F9: variants seen among roughly 807,000 people sequenced by gnomAD.
The protein encoded by F9 is Christmas factor.
A neutral mutation model predicts 34.1 loss-of-function variants in F9; 2 were observed. That is an observed-to-expected ratio of 0.06 (90% CI 0.02 to 0.18). The LOEUF (loss-of-function observed/expected upper bound fraction) is 0.18. Among genes scored for constraint, F9 ranks in the 10% least tolerant of loss-of-function variants. The pLI is 1.00. For missense variants in F9, 216 were observed against 345.1 expected (o/e 0.63, Z 2.96); for synonymous variants, 137 against 118.8 (o/e 1.15, Z -1.00).
At chrX:139,552,010 C>T (rs1927857165) in intron 6 of F9, among the ~76,000 whole-genome samples, 2 of 109,421 alleles carry the variant, frequency 1.8e-5, no homozygotes, top group African/African-American at 6.9e-5. Context: ...GGCAACACGG[C>T]GAAACCCCAC....
chrX:139,532,140 T>A (rs1350402886), intron 1 of F9, among the ~76,000 whole-genome samples: 1 of 111,422 alleles, frequency 9.0e-6, no homozygotes, highest in Non-Finnish European at 1.9e-5. Context: ...GCCTGGGAAA[T>A]AATGACTAGC....
At chrX:139,536,011 A>G (rs1927451177) in intron 1 of F9, among the ~76,000 whole-genome samples, 1 of 109,711 alleles carries the variant, frequency 9.1e-6, no homozygotes, top group African/African-American at 3.3e-5. Context: ...GTATCTAAAC[A>G]TAGAAAAGGT....
At chrX:139,543,299 G>A (rs753946225) in intron 4 of F9, among the ~76,000 whole-genome samples, 52 of 111,408 alleles carry the variant, frequency 4.7e-4, no homozygotes, top group Non-Finnish European at 8.3e-4. Context: ...CCTTTGGTTA[G>A]AATAAAGACC....
intron 3 of F9, among the ~76,000 whole-genome samples, chrX:139,537,793 C>T (rs1927519312): frequency 9.0e-6 from 1 of 111,432 alleles, no homozygotes; most frequent in Admixed American, 9.5e-5. Flanking sequence ...CCCCACCCTC[C>T]CCATTACCCT....
At chrX:139,539,419 C>T (rs946311528) in intron 3 of F9, among the ~76,000 whole-genome samples, 25 of 112,200 alleles carry the variant, frequency 2.2e-4, no homozygotes, top group Admixed American at 7.6e-4. Flanking sequence ...TAAACAGGAA[C>T]CTGGTAGTCT....
intron 1 of F9, among the ~76,000 whole-genome samples, chrX:139,536,325 G>C (rs1927475936): frequency 1.1e-5 from 1 of 94,662 alleles, no homozygotes; most frequent in Admixed American, 1.1e-4. Flanking sequence ...AGGAAGGAGG[G>C]AGGGAAGGAG....
intron 6 of F9, among the ~76,000 whole-genome samples, chrX:139,552,833 A>G (rs1927876255): frequency 8.9e-6 from 1 of 112,195 alleles, no homozygotes; most frequent in Non-Finnish European, 1.9e-5. Flanking sequence ...GCCATTAGAG[A>G]CTGATAAATT....
chrX:139,542,298 G>A (rs1193687161), intron 4 of F9, among the ~76,000 whole-genome samples: 1 of 112,059 alleles, frequency 8.9e-6, no homozygotes, highest in African/African-American at 3.2e-5. Flanking sequence ...AAAGGTGACA[G>A]GGCAAAGACA....
At position 139,537,037 on chromosome X, in the gene F9, A is replaced by G. The variant is rs200505648; in HGVS notation, c.116A>G (p.Lys39Arg). 16 of 1,207,839 alleles carry G rather than the reference A, an allele frequency of 1.3e-5. No homozygotes were observed. In the East Asian group the frequency reaches 4.7e-4, roughly 36 times the overall value. ...TVFLDHENAN[K>R]ILNRPKRYNS... ...TTTCTTGATCATGAAAACGCCAACA[A>G]AATTCTGAATCGGCCAAAGAGGTAT... The change falls in exon 2 of 8, where the codon AAA becomes AGA. Residue 39 changes from lysine (K) to arginine (R), a missense_variant. Lys to Arg is a conservative substitution (Grantham distance 26, BLOSUM62 2). This residue lies in a region of F9 where 39 missense variants were observed against 33.3 expected (regional missense o/e 1.17). Transcript: ENST00000218099.
Position 139,543,117 on chromosome X carries a change from C to T in F9, c.391+1928C>T, listed in dbSNP as rs745574822. Among the ~76,000 whole-genome samples, 9 of 109,189 alleles carry T rather than the reference C, an allele frequency of 8.2e-5. No individual in the cohort carries two copies. The East Asian group carries it at 8.6e-4, about 10-fold the overall frequency. 94.8% of individuals were successfully genotyped at this position (109,189 alleles called of 115,157 possible). ...AGATAGCACAGTTTATGGGGCATCT[C>T]GGCCCCAAGTCTTTTGTCTTATAAG... On this transcript the variant is annotated intron_variant, in intron 4 of 7. Transcript: ENST00000218099.
intron 3 of F9, among the ~76,000 whole-genome samples, chrX:139,539,303 G>T (rs1411577982): frequency 8.9e-6 from 1 of 112,359 alleles, no homozygotes; most frequent in African/African-American, 3.2e-5. Flanking sequence ...AGGTCTCCCA[G>T]TTGGGGAGTC....
At chrX:139,544,906 G>A (rs914760036) in intron 4 of F9, 3 of 111,810 alleles carry the variant, frequency 2.7e-5, no homozygotes, top group African/African-American at 9.7e-5. Flanking sequence ...TTCGACTTAT[G>A]GGGAATTAAC....
At chrX:139,559,693 C>G in intron 6 of F9, among the ~76,000 whole-genome samples, 1 of 111,937 alleles carries the variant, frequency 8.9e-6, no homozygotes, top group Non-Finnish European at 1.9e-5. Flanking sequence ...GCCCCAAGGA[C>G]CATCTGATAT....
intron 4 of F9, among the ~76,000 whole-genome samples, chrX:139,545,787 A>G (rs1197201502): frequency 2.7e-5 from 3 of 111,041 alleles, no homozygotes; most frequent in Non-Finnish European, 5.7e-5. Context: ...CTTAGCACTA[A>G]TGACATATTG....
Position 139,530,781 on chromosome X carries a change from T to G in F9, c.17T>G (p.Met6Arg). MQRVN[M>R]IMAESPGLIT... ...GCAAAGGTTATGCAGCGCGTGAACA[T>G]GATCATGGCAGAATCACCAGGCCTC... Residue 6 changes from methionine (M) to arginine (R), a missense_variant, in exon 1 of 8, where the codon ATG becomes AGG. By Grantham distance (91) the Met-to-Arg change is moderately conservative. Coordinates refer to ENST00000218099, the MANE Select transcript of F9 (RefSeq NM_000133.4). 11 of 1,211,162 alleles carry G rather than the reference T, an allele frequency of 9.1e-6. No individual in the cohort carries two copies. The highest frequency in any genetic ancestry group is 1.2e-5 in the Non-Finnish European group (11 of 894,741).
At position 139,541,113 on chromosome X, in the gene F9, C is replaced by T. The variant is rs757434127; in HGVS notation, c.315C>T (p.Gly105=). 1.3e-5 allele frequency: 16 copies of T among 1,198,065 alleles called. No individual in the cohort carries two copies. The highest frequency in any genetic ancestry group is 1.2e-4 in the African/African-American group (7 of 56,726). ...DQCESNPCLN[G]GSCKDDINSY... ...GTGAGTCCAATCCATGTTTAAATGG[C>T]GGCAGTTGCAAGGATGACATTAATT... is the stretch of plus-strand genomic sequence containing the variant. Residue 105 remains glycine (G), a synonymous_variant, in exon 4 of 8, where the codon GGC becomes GGT. Coordinates refer to ENST00000218099, the MANE Select transcript of F9 (RefSeq NM_000133.4).
intron 6 of F9, among the ~76,000 whole-genome samples, chrX:139,551,738 C>T (rs4149712): frequency 0.014 from 1,535 of 111,426 alleles, 25 homozygotes; most frequent in African/African-American, 0.046. Context: ...TCTTGATCTA[C>T]CACTATAGTT....
At chrX:139,543,241 G>A (rs912436350) in intron 4 of F9, among the ~76,000 whole-genome samples, 7 of 110,572 alleles carry the variant, frequency 6.3e-5, no homozygotes, top group African/African-American at 2.0e-4. Flanking sequence ...AGGTGTAAAC[G>A]TTCAGGGCAT....
chrX:139,534,537 T>C (rs771139687), intron 1 of F9, among the ~76,000 whole-genome samples: 6 of 112,257 alleles, frequency 5.3e-5, no homozygotes, highest in Non-Finnish European at 9.4e-5. Flanking sequence ...GATGGTTGCA[T>C]CTCTACTGAA....
Sources: gnomAD v4.1 joint callset for allele counts (sites outside exome capture counted in the v4.1 genomes callset) on GRCh38, gnomAD v4.1.1 for gene constraint, gnomAD v4.1.1 regional missense constraint, MANE v1.5 for transcripts, NCBI Gene and HGNC (gene_info 2026-07-23, HGNC 2026-07-21) for gene names.